Variants in IL2RA observed in about 807,000 individuals in gnomAD.
IL2RA encodes the protein interleukin 2 receptor subunit alpha, also known as interleukin-2 receptor subunit alpha.
IL2RA carries 24 observed loss-of-function variants against 37.8 expected under a neutral mutation model. The ratio of observed to expected loss-of-function variants is 0.63; its 90% CI spans 0.46 to 0.89. The LOEUF (loss-of-function observed/expected upper bound fraction) is 0.89, where lower values mean the gene tolerates loss of function less well. Among genes scored for constraint, IL2RA ranks in the 40% least tolerant of loss-of-function variants. The pLI is 0.00. For synonymous variants in IL2RA, 125 were observed against 114.6 expected (o/e 1.09, Z -0.58); for missense variants, 319 against 348.6 (o/e 0.92, Z 0.68).
intron 1 of IL2RA, among the ~76,000 whole-genome samples, chr10:6,060,375 G>A (rs1241432010): frequency 6.6e-6 from 1 of 152,124 alleles, no homozygotes; most frequent in African/African-American, 2.4e-5. Context: ...TACATGCTCA[G>A]GTGATGGGTG....
At chr10:6,023,940 C>A (rs1035518451) in intron 3 of IL2RA, among the ~76,000 whole-genome samples, 1 of 152,232 alleles carries the variant, frequency 6.6e-6, no homozygotes, top group Non-Finnish European at 1.5e-5. Context: ...GCCTGGCACA[C>A]AGACCCAACA....
chr10:6,044,220 G>C lies in IL2RA; in HGVS notation c.64+17868C>G, dbSNP rs41294721. ...CCCGAGGTGGGGCTTAGCCCGCAAG[G>C]GTTCTTGGCTTTGCCCAGGAAGGAA... On this transcript the variant is annotated intron_variant, in intron 1 of 7. Coordinates refer to ENST00000379959, the MANE Select transcript of IL2RA (RefSeq NM_000417.3). The surrounding 1 kb of genome is among the most constrained non-coding windows in gnomAD (Gnocchi z 4.5). Among the ~76,000 whole-genome samples, 946 of 152,354 alleles carry C rather than the reference G, an allele frequency of 6.2e-3. 6 individuals are homozygous for C. The highest frequency in any genetic ancestry group is 0.01 in the Non-Finnish European group (713 of 68,030).
chr10:6,021,770 G>T lies in IL2RA; in HGVS notation c.368-77C>A. 1 of 1,128,262 alleles carries T rather than the reference G, an allele frequency of 8.9e-7. No individual in the cohort carries two copies. The highest frequency in any genetic ancestry group is 1.3e-6 in the Non-Finnish European group (1 of 745,284). 69.9% of individuals were successfully genotyped at this position (1,128,262 alleles called of 1,614,324 possible). A position where few individuals can be genotyped will look rare whatever the true frequency, so the allele number is the denominator to read the frequency against. ...TGAGTCCAGGTTGCCTCTTGCTAGG[G>T]ACTGGACCTTGGTTCTTACTCTCTT... On this transcript the variant is annotated intron_variant, in intron 3 of 7. Transcript: ENST00000379959. This position sits in a 1 kb window ranked among gnomAD's most constrained non-coding sequence, Gnocchi z 4.9.
Position 6,056,582 on chromosome 10 carries a change from C to T in IL2RA, c.64+5506G>A, listed in dbSNP as rs773990767. 1.3e-5 allele frequency among the ~76,000 whole-genome samples: 2 copies of T among 152,060 alleles called. No individual in the cohort carries two copies. The highest frequency in any genetic ancestry group is 2.9e-5 in the Non-Finnish European group (2 of 68,002). ...GCCTACGCAACATAGCAAAAACCCC[C>T]TCTCTACTAAAATTACAAAAAAGGA... On this transcript the variant is annotated intron_variant, in intron 1 of 7. Transcript: ENST00000379959. The surrounding 1 kb of genome is among the most constrained non-coding windows in gnomAD (Gnocchi z 5.0).
chr10:6,056,504 C>T lies in IL2RA; in HGVS notation c.64+5584G>A, dbSNP rs1414393433. Among the ~76,000 whole-genome samples the T allele has an allele frequency of 1.3e-5, 2 of 152,168 alleles. No individual in the cohort carries two copies. Among genetic ancestry groups the T allele is most frequent in the African/African-American group, 4.8e-5 (2 of 41,434 alleles). On this transcript the variant is annotated intron_variant, in intron 1 of 7. Coordinates refer to ENST00000379959, the MANE Select transcript of IL2RA (RefSeq NM_000417.3). This position sits in a 1 kb window ranked among gnomAD's most constrained non-coding sequence, Gnocchi z 5.0. ...CAGTGGCTCATGCCTGTAATCCCAG[C>T]ACTTTGGAAGGCCCATGCAGATGGA...
Position 6,025,374 on chromosome 10 carries a change from G to A in IL2RA, c.256+460C>T, listed in dbSNP as rs761778848. Among the ~76,000 whole-genome samples, 2 of 151,734 alleles carry A rather than the reference G, an allele frequency of 1.3e-5. No individual in the cohort carries two copies. The highest frequency in any genetic ancestry group is 1.9e-4 in the East Asian group (1 of 5,168). On this transcript the variant is annotated intron_variant, in intron 2 of 7. Coordinates refer to ENST00000379959, the MANE Select transcript of IL2RA (RefSeq NM_000417.3). The surrounding 1 kb of genome is among the most constrained non-coding windows in gnomAD (Gnocchi z 4.4). ...CTCAAAAATAAAAATAAAATTGTGT[G>A]GCCGGGCACTGTGACTCATGCCTGT...
chr10:6,021,527 G>A lies in IL2RA; in HGVS notation c.534C>T (p.Thr178=). 6.2e-7 allele frequency: 1 copy of A among 1,614,046 alleles called. No homozygotes were observed. Among genetic ancestry groups the A allele is most frequent in the Non-Finnish European group, 8.5e-7 (1 of 1,180,004 alleles). The stretch of plus-strand genomic sequence containing the variant: ...CACCTGTGCATATGAGCTGGGGCTG[G>A]GTCCACCTTGTCTTCCCGTGGGTCA... ...CKMTHGKTRW[T]QPQLICTGEM... The change falls in exon 4 of 8, where the codon ACC becomes ACT. Residue 178 remains threonine, a synonymous_variant. Transcript: ENST00000379959. This position sits in a 1 kb window ranked among gnomAD's most constrained non-coding sequence, Gnocchi z 4.9.
At chr10:6,045,723 A>G (rs1839842935) in intron 1 of IL2RA, among the ~76,000 whole-genome samples, 4 of 152,164 alleles carry the variant, frequency 2.6e-5, no homozygotes, top group African/African-American at 7.2e-5. Context: ...GGTGACTCCC[A>G]CCCACAGTCT....
chr10:6,030,886 T>TATATAATGGTTTCTATATGGTTTTATAC, intron 1 of IL2RA, among the ~76,000 whole-genome samples: 1 of 152,260 alleles, frequency 6.6e-6, no homozygotes, highest in African/African-American at 2.4e-5. Context: ...GGTTTTTATA[T>TATATAATGGTTTCTATATGGTTTTATAC]CATATAGAAA....
chr10:6,059,292 A>G (rs1419717896), intron 1 of IL2RA, among the ~76,000 whole-genome samples: 1 of 152,176 alleles, frequency 6.6e-6, no homozygotes, highest in Non-Finnish European at 1.5e-5. Context: ...TTTGCAATGA[A>G]CAGAAACAGA....
rs1839819139 is a variant in IL2RA, at chr10:6,044,404, T to C, written c.64+17684A>G. On this transcript the variant is annotated intron_variant, in intron 1 of 7. Coordinates refer to ENST00000379959, the MANE Select transcript of IL2RA (RefSeq NM_000417.3). This position sits in a 1 kb window ranked among gnomAD's most constrained non-coding sequence, Gnocchi z 4.5. ...CAGGGCAGTTTTGCATTCATATTTA[T>C]ATCTGCTTTTAATTACACGCAGTTT... Among the ~76,000 whole-genome samples, 1 of 152,242 alleles carries C rather than the reference T, an allele frequency of 6.6e-6. No homozygotes were observed. Among genetic ancestry groups the C allele is most frequent in the Non-Finnish European group, 1.5e-5 (1 of 68,042 alleles).
chr10:6,050,423 G>A (rs576550567), intron 1 of IL2RA, among the ~76,000 whole-genome samples: 1 of 152,248 alleles, frequency 6.6e-6, no homozygotes, highest in African/African-American at 2.4e-5. Flanking sequence ...GATCAATTGA[G>A]GTCAGGAGTT....
chr10:6,050,571 G>A (rs984867693), intron 1 of IL2RA, among the ~76,000 whole-genome samples: 1 of 152,116 alleles, frequency 6.6e-6, no homozygotes, highest in Admixed American at 6.5e-5. Context: ...TTGAACCCGG[G>A]AGGCAGAGGT....
chr10:6,048,166 C>T lies in IL2RA; in HGVS notation c.64+13922G>A, dbSNP rs1480722657. Among the ~76,000 whole-genome samples, 3 of 152,254 alleles carry T rather than the reference C, an allele frequency of 2.0e-5. No individual in the cohort carries two copies. Among genetic ancestry groups the T allele is most frequent in the Admixed American group, 2.0e-4 (3 of 15,292 alleles). On this transcript the variant is annotated intron_variant, in intron 1 of 7. Coordinates refer to ENST00000379959, the MANE Select transcript of IL2RA (RefSeq NM_000417.3). This position sits in a 1 kb window ranked among gnomAD's most constrained non-coding sequence, Gnocchi z 5.3. Reference sequence around the variant, plus strand: ...GTGCCCGTCATGCATCACAGGAAGGCTGTCATGGGAGTCCTGAGGTGGGTG... The same window carrying T: ...GTGCCCGTCATGCATCACAGGAAGGTTGTCATGGGAGTCCTGAGGTGGGTG...
At chr10:6,053,743 T>C (rs1486922415) in intron 1 of IL2RA, among the ~76,000 whole-genome samples, 1 of 152,172 alleles carries the variant, frequency 6.6e-6, no homozygotes, top group Non-Finnish European at 1.5e-5. Flanking sequence ...GATCCTCCCC[T>C]CTTGGCCCCC....
At chr10:6,042,148 C>CAAAAAAGAAAAAAAAAAAAAAAAA (rs1839781888) in intron 1 of IL2RA, among the ~76,000 whole-genome samples, 1 of 54,132 alleles carries the variant, frequency 1.8e-5, no homozygotes, top group African/African-American at 7.6e-5. Context: ...ATGTATTAAG[C>CAAAAAAGAAAAAAAAAAAAAAAAA]AAAAAAAAAA....
At chr10:6,032,198 TATAAAG>T (rs1238255876) in intron 1 of IL2RA, among the ~76,000 whole-genome samples, 3 of 152,050 alleles carry the variant, frequency 2.0e-5, no homozygotes, top group African/African-American at 7.2e-5. Flanking sequence ...TTATTATATA[TATAAAG>T]ATAAAGATCT....
rs11256416 is a variant in IL2RA, at chr10:6,033,396, C to T, written c.65-7371G>A. 0.22 allele frequency among the ~76,000 whole-genome samples: 33,994 copies of T among 151,976 alleles called. 4,357 individuals are homozygous for T. Among genetic ancestry groups the T allele is most frequent in the African/African-American group, 0.34 (14,077 of 41,448 alleles). On this transcript the variant is annotated intron_variant, in intron 1 of 7. Coordinates refer to ENST00000379959, the MANE Select transcript of IL2RA (RefSeq NM_000417.3). This position sits in a 1 kb window ranked among gnomAD's most constrained non-coding sequence, Gnocchi z 4.3. ...CCTGCCCTACAATTCAGCAATTCTA[C>T]TTCTAGGTATTTATCTAAGAGGAAT...
Position 6,054,222 on chromosome 10 carries a change from G to A in IL2RA, c.64+7866C>T, listed in dbSNP as rs1207297740. 6.6e-6 allele frequency among the ~76,000 whole-genome samples: 1 copy of A among 152,246 alleles called. No individual in the cohort carries two copies. The highest frequency in any genetic ancestry group is 2.4e-5 in the African/African-American group (1 of 41,466). On this transcript the variant is annotated intron_variant, in intron 1 of 7. Coordinates refer to ENST00000379959, the MANE Select transcript of IL2RA (RefSeq NM_000417.3). The surrounding 1 kb of genome is among the most constrained non-coding windows in gnomAD (Gnocchi z 4.5). ...CCCCCGGGGAACTGGTTGGGTGTGG[G>A]AGTGGGAGAATGGGCTGTCAGGACA...
Sources: allele counts gnomAD v4.1 joint callset (sites outside exome capture counted in the v4.1 genomes callset), GRCh38; gene constraint gnomAD v4.1.1; non-coding constraint Gnocchi (gnomAD v3.1); transcripts MANE v1.5; gene names NCBI Gene and HGNC (gene_info 2026-07-23, HGNC 2026-07-21).